PRKD3: variants seen among roughly 807,000 people sequenced by gnomAD.
The protein encoded by PRKD3 is protein kinase D3.
PRKD3 carries 47 observed loss-of-function variants against 99.2 expected under a neutral mutation model. The observed-to-expected ratio is 0.47, with a 90% CI of 0.38 to 0.60. The LOEUF (loss-of-function observed/expected upper bound fraction) is 0.60. Ranked by LOEUF, PRKD3 falls within the 20% of genes least tolerant of loss-of-function variation. The pLI is 0.00. For missense variants in PRKD3, 1,019 were observed against 1,088.4 expected (o/e 0.94, Z 0.90); for synonymous variants, 392 against 355.4 (o/e 1.10, Z -1.16).
intron 2 of PRKD3, among the ~76,000 whole-genome samples, chr2:37,297,155 A>C (rs1230686045): frequency 1.3e-5 from 2 of 152,082 alleles, no homozygotes; most frequent in African/African-American, 4.8e-5. Context: ...ATCTCTAAAC[A>C]ATGTCTTAAT....
intron 2 of PRKD3, among the ~76,000 whole-genome samples, chr2:37,299,218 G>A (rs1670805051): frequency 6.6e-6 from 1 of 152,068 alleles, no homozygotes; most frequent in Non-Finnish European, 1.5e-5. Context: ...CTGTTGACGT[G>A]ACATATTATG....
chr2:37,260,860 T>C (rs1001361616), intron 14 of PRKD3, among the ~76,000 whole-genome samples: 5 of 152,216 alleles, frequency 3.3e-5, no homozygotes, highest in Non-Finnish European at 2.9e-5. Context: ...AATTCCCTTT[T>C]TTTAGGCTCA....
At chr2:37,283,120 A>T (rs1488450084) in intron 6 of PRKD3, among the ~76,000 whole-genome samples, 1 of 152,234 alleles carries the variant, frequency 6.6e-6, no homozygotes, top group African/African-American at 2.4e-5. Context: ...TTCAGCCTAA[A>T]ACAAACCTCA....
chr2:37,262,222 G>A (rs1361098251), intron 14 of PRKD3, among the ~76,000 whole-genome samples: 1 of 152,100 alleles, frequency 6.6e-6, no homozygotes, highest in Admixed American at 6.5e-5. Context: ...CCTATGTGAG[G>A]CTGAGTTCCA....
chr2:37,282,790 C>T (rs886957877), intron 6 of PRKD3, among the ~76,000 whole-genome samples, 171 bp from the exon 7 acceptor site: 1 of 152,108 alleles, frequency 6.6e-6, no homozygotes, highest in South Asian at 2.1e-4. Context: ...CCATCATTTT[C>T]TTCATTTGTA....
intron 2 of PRKD3, among the ~76,000 whole-genome samples, chr2:37,314,784 T>A (rs1269599223): frequency 6.6e-6 from 1 of 151,966 alleles, no homozygotes; most frequent in Non-Finnish European, 1.5e-5. Context: ...AAAAATTAAA[T>A]AAAAAAATTA....
intron 2 of PRKD3, among the ~76,000 whole-genome samples, chr2:37,306,936 T>A (rs1410425575): frequency 6.6e-6 from 1 of 152,230 alleles, no homozygotes; most frequent in East Asian, 1.9e-4. Context: ...GCCCCTACAA[T>A]GGTACTAAAA....
intron 12 of PRKD3, among the ~76,000 whole-genome samples, chr2:37,271,975 A>G (rs1232865434): frequency 1.3e-5 from 2 of 152,182 alleles, no homozygotes; most frequent in Non-Finnish European, 2.9e-5. Flanking sequence ...TGTTCATCCT[A>G]GTGCTCCTGT....
intron 2 of PRKD3, among the ~76,000 whole-genome samples, chr2:37,294,742 A>G (rs1454198917): frequency 2.0e-5 from 3 of 152,236 alleles, no homozygotes; most frequent in Non-Finnish European, 2.9e-5. Flanking sequence ...CCTAGTTACA[A>G]AAATTTGTAA....
intron 17 of PRKD3, 57 bp from the exon 18 acceptor site, chr2:37,254,346 T>C: frequency 7.4e-7 from 1 of 1,360,402 alleles, no homozygotes; most frequent in East Asian, 2.3e-5. Context: ...TACCCCAAAC[T>C]TGTGACTGCC....
At chr2:37,272,570 C>T in intron 11 of PRKD3, 138 bp from the exon 12 acceptor site, 1 of 1,094,024 alleles carries the variant, frequency 9.1e-7, no homozygotes, top group Non-Finnish European at 1.2e-6. Flanking sequence ...ACAAAATCTA[C>T]ACATACAACC....
At chr2:37,256,981 C>T (rs772469943) in intron 16 of PRKD3, 52 bp from the exon 17 acceptor site, 28 of 1,569,414 alleles carry the variant, frequency 1.8e-5, no homozygotes, top group Non-Finnish European at 2.4e-5. Context: ...ATATATGTAA[C>T]TACCTGTCCC....
At chr2:37,296,379 T>C (rs1228477686) in intron 2 of PRKD3, among the ~76,000 whole-genome samples, 4 of 152,146 alleles carry the variant, frequency 2.6e-5, no homozygotes, top group African/African-American at 9.7e-5. Flanking sequence ...CAGTGAGATA[T>C]TACAAAACAT....
chr2:37,320,220 T>C (rs1671821866), intron 1 of PRKD3, among the ~76,000 whole-genome samples: 1 of 152,102 alleles, frequency 6.6e-6, no homozygotes, highest in African/African-American at 2.4e-5. Flanking sequence ...GTGATAGAAA[T>C]GAGATTCAAA....
At chr2:37,305,105 GA>G (rs927090154) in intron 2 of PRKD3, among the ~76,000 whole-genome samples, 2 of 149,368 alleles carry the variant, frequency 1.3e-5, no homozygotes, top group African/African-American at 4.9e-5. Flanking sequence ...AGAATGGATA[GA>G]AAAAAAAACA....
At chr2:37,297,134 C>A (rs142923764) in intron 2 of PRKD3, among the ~76,000 whole-genome samples, 3,316 of 152,068 alleles carry the variant, frequency 0.022, 62 homozygotes, top group South Asian at 0.033. Context: ...TAGGTTTTCA[C>A]GCAGGAGTGG....
intron 9 of PRKD3, 40 bp downstream of exon 9, chr2:37,277,826 A>G (rs1246217168): frequency 5.0e-6 from 8 of 1,597,540 alleles, no homozygotes; most frequent in Non-Finnish European, 5.1e-6. Context: ...AACTCATAAC[A>G]AAGTCTTACT....
At chr2:37,284,842 G>A (rs1238353245) in intron 6 of PRKD3, among the ~76,000 whole-genome samples, 2 of 152,050 alleles carry the variant, frequency 1.3e-5, no homozygotes, top group African/African-American at 4.8e-5. Context: ...TGCACAACGT[G>A]CAGGTTAGTT....
intron 1 of PRKD3, among the ~76,000 whole-genome samples, chr2:37,318,325 C>T (rs1015173184): frequency 6.6e-6 from 1 of 152,178 alleles, no homozygotes; most frequent in Non-Finnish European, 1.5e-5. Flanking sequence ...TGATAGTTTA[C>T]AAATGTTTCA....
Sources: allele counts gnomAD v4.1 joint callset (sites outside exome capture counted in the v4.1 genomes callset), GRCh38; gene constraint gnomAD v4.1.1; transcripts MANE v1.5; gene names NCBI Gene and HGNC (gene_info 2026-07-23, HGNC 2026-07-21).